Variants in DLG3 observed in about 807,000 individuals in gnomAD.
DLG3 encodes discs large MAGUK scaffold protein 3.
DLG3 carries 1 observed loss-of-function variant against 64.1 expected under a neutral mutation model. The observed-to-expected ratio is 0.02, with a 90% CI of 0.01 to 0.07. The LOEUF is 0.07. Ranked by LOEUF, DLG3 falls within the 10% of genes least tolerant of loss-of-function variation. The probability of loss-of-function intolerance (pLI) is 1.00; values close to 1 mark genes in which losing one functional copy is unlikely to be tolerated. For missense variants in DLG3, 429 were observed against 669.5 expected (o/e 0.64, Z 3.96); for synonymous variants, 245 against 259.8 (o/e 0.94, Z 0.55).
chrX:70,478,080 C>T (rs1031353995), intron 9 of DLG3, among the ~76,000 whole-genome samples: 7 of 112,390 alleles, frequency 6.2e-5, no homozygotes, highest in South Asian at 3.7e-4. Context: ...TGACTCGCTT[C>T]AAAGTCAGCT....
At chrX:70,469,609 A>AT (rs749843267) in intron 9 of DLG3, among the ~76,000 whole-genome samples, 2 of 108,477 alleles carry the variant, frequency 1.8e-5, no homozygotes, top group Non-Finnish European at 3.8e-5. Flanking sequence ...TGCCTGGCTA[A>AT]TTTTTTGTAT....
chrX:70,455,349 T>C, intron 9 of DLG3: 4 of 753,516 alleles, frequency 5.3e-6, no homozygotes, highest in Non-Finnish European at 6.3e-6. Flanking sequence ...TTTCCAACAC[T>C]GCGTGCCCCA....
chrX:70,454,137 C>A, intron 8 of DLG3, 77 bp from the exon 9 acceptor site: 1 of 927,328 alleles, frequency 1.1e-6, no homozygotes, highest in Non-Finnish European at 1.5e-6. Context: ...GGGTACCCAT[C>A]TCCCTCTCCT....
chrX:70,495,916 C>A (rs2087446316), intron 13 of DLG3, among the ~76,000 whole-genome samples: 1 of 111,353 alleles, frequency 9.0e-6, no homozygotes, highest in Non-Finnish European at 1.9e-5. Context: ...TTTTTCCCAA[C>A]CTGCATCTGA....
intron 9 of DLG3, among the ~76,000 whole-genome samples, chrX:70,476,921 GA>G (rs754716225): frequency 9.0e-6 from 1 of 111,717 alleles, no homozygotes; most frequent in African/African-American, 3.2e-5. Context: ...CATCCAAATG[GA>G]AAAAAAAGTG....
intron 18 of DLG3, among the ~76,000 whole-genome samples, chrX:70,501,256 A>G (rs1224358413): frequency 9.0e-6 from 1 of 110,898 alleles, no homozygotes; most frequent in Non-Finnish European, 1.9e-5. Context: ...ACTAGATTGT[A>G]GGCTCCCTGT....
At chrX:70,459,594 CTG>C (rs748502385) in intron 9 of DLG3, among the ~76,000 whole-genome samples, 2 of 112,453 alleles carry the variant, frequency 1.8e-5, no homozygotes, top group African/African-American at 3.2e-5. Context: ...CATTTGTACA[CTG>C]TGAACAATTT....
chrX:70,496,150 C>G (rs369673910), intron 13 of DLG3, among the ~76,000 whole-genome samples: 1 of 112,672 alleles, frequency 8.9e-6, no homozygotes, highest in South Asian at 3.7e-4. Context: ...TAGTGGCCAT[C>G]CTGCTGCGTG....
rs2086660722 is a variant in DLG3, at chrX:70,454,137, C to G, written c.1303-77C>G. ...ACAGGCTTAGGGGTGGGGTACCCAT[C>G]TCCCTCTCCTAACTGCTAATGCAGA... On this transcript the variant is annotated intron_variant, in intron 8 of 18. Coordinates refer to ENST00000374360, the MANE Select transcript of DLG3 (RefSeq NM_021120.4). 1.3e-5 allele frequency: 12 copies of G among 925,586 alleles called. No individual in the cohort carries two copies. The South Asian group carries it at 2.5e-4, about 20-fold the overall frequency. 76.3% of individuals were successfully genotyped at this position (925,586 alleles called of 1,213,427 possible).
At chrX:70,467,599 G>A (rs750672100) in intron 9 of DLG3, among the ~76,000 whole-genome samples, 3 of 111,678 alleles carry the variant, frequency 2.7e-5, no homozygotes, top group Non-Finnish European at 3.8e-5. Context: ...CATTTGAATC[G>A]AGACTCTCCA....
At chrX:70,459,209 C>T (rs965719023) in intron 9 of DLG3, among the ~76,000 whole-genome samples, 5 of 111,850 alleles carry the variant, frequency 4.5e-5, no homozygotes, top group African/African-American at 6.5e-5. Flanking sequence ...CCAGTCTTTT[C>T]GGGAATGTAA....
At chrX:70,484,780 A>T (rs188260629) in intron 10 of DLG3, among the ~76,000 whole-genome samples, 162 of 111,610 alleles carry the variant, frequency 1.5e-3, no homozygotes, top group Non-Finnish European at 2.5e-3. Context: ...CATAATTGCC[A>T]TAAGGCCTGA....
At chrX:70,448,458 A>G in intron 1 of DLG3, 1 of 556,934 alleles carries the variant, frequency 1.8e-6, no homozygotes, top group Non-Finnish European at 2.9e-6. Flanking sequence ...ATGATCCCCC[A>G]GTCAGGGAGA....
intron 15 of DLG3, 39 bp downstream of exon 15, chrX:70,499,316 G>C (rs1165853822): frequency 2.0e-6 from 2 of 1,005,923 alleles, no homozygotes; most frequent in Non-Finnish European, 2.8e-6. Context: ...GAGGCTTGGT[G>C]CCCTGGGAAT....
chrX:70,449,291 G>A, intron 2 of DLG3, 68 bp from the exon 3 acceptor site: 1 of 1,193,150 alleles, frequency 8.4e-7, no homozygotes, highest in Non-Finnish European at 1.1e-6. Flanking sequence ...AAGGGGAGAT[G>A]AGGTACCCAG....
intron 14 of DLG3, 35 bp from the exon 15 acceptor site, chrX:70,499,141 C>T: frequency 9.5e-7 from 1 of 1,057,065 alleles, no homozygotes; most frequent in Non-Finnish European, 1.3e-6. Flanking sequence ...CTGGTGGGGG[C>T]CTCTGTTCAC....
intron 9 of DLG3, among the ~76,000 whole-genome samples, chrX:70,478,455 T>A (rs2087094951): frequency 1.8e-5 from 2 of 111,459 alleles, no homozygotes; most frequent in South Asian, 7.7e-4. Context: ...GTGAGAGGTG[T>A]CAGCCGACTT....
At chrX:70,501,306 C>T (rs1204464081) in intron 18 of DLG3, among the ~76,000 whole-genome samples, 1 of 110,327 alleles carries the variant, frequency 9.1e-6, no homozygotes, top group Non-Finnish European at 1.9e-5. Flanking sequence ...ACTCCCCCTC[C>T]CCCAGTACTT....
rs982691888 is a variant in DLG3 at position 70,444,899 on chromosome X, T to G, written c.-303T>G. Reference sequence around the variant, plus strand: ...GTCCTCACAGCACCCATTCTCTGCTTGAGCTCCCGCTTCTTCTTTGCCGCT... The same window carrying G: ...GTCCTCACAGCACCCATTCTCTGCTGGAGCTCCCGCTTCTTCTTTGCCGCT... On this transcript the variant is annotated 5_prime_UTR_variant, in exon 1 of 19. Coordinates refer to ENST00000374360, the MANE Select transcript of DLG3 (RefSeq NM_021120.4). 6 of 175,277 alleles carry G rather than the reference T, an allele frequency of 3.4e-5. No homozygotes were observed. The highest frequency in any genetic ancestry group is 6.4e-5 in the Non-Finnish European group (6 of 94,177). The allele number at this position is 175,277 out of a possible 1,213,427, so 14.4% of individuals were successfully genotyped here.
Sources: allele counts gnomAD v4.1 joint callset (sites outside exome capture counted in the v4.1 genomes callset), GRCh38; gene constraint gnomAD v4.1.1; transcripts MANE v1.5; gene names NCBI Gene and HGNC (gene_info 2026-07-23, HGNC 2026-07-21).